ADAMTS12: variants seen among roughly 807,000 people sequenced by gnomAD.
ADAMTS12 encodes A disintegrin and metalloproteinase with thrombospondin motifs 12.
Under a neutral mutation model 167.8 loss-of-function variants are expected in ADAMTS12, and 118 were observed. The observed-to-expected ratio is 0.70, with a 90% confidence interval of 0.61 to 0.82. The LOEUF is 0.82. Ranked by LOEUF, ADAMTS12 falls within the 40% of genes least tolerant of loss-of-function variation. ADAMTS12 has a pLI of 0.00. For synonymous variants in ADAMTS12, 704 were observed against 716.9 expected, an observed-to-expected ratio of 0.98 and a Z score of 0.29; for missense variants, 1,916 against 1,998.8, an observed-to-expected ratio of 0.96 and a Z score of 0.79.
At chr5:33,763,628 G>C (rs1227738413) in intron 2 of ADAMTS12, among the ~76,000 whole-genome samples, 1 of 152,226 alleles carries the variant, frequency 6.6e-6, no homozygotes, top group Non-Finnish European at 1.5e-5. Context: ...AAGTCCAGGA[G>C]GCCAAAGGTC....
At chr5:33,873,622 G>A (rs888566554) in intron 2 of ADAMTS12, among the ~76,000 whole-genome samples, 6 of 152,150 alleles carry the variant, frequency 3.9e-5, no homozygotes, top group African/African-American at 9.7e-5. Flanking sequence ...AGAATGCAAG[G>A]AGAAGTGGAG....
chr5:33,841,325 G>A (rs1011682044), intron 2 of ADAMTS12, among the ~76,000 whole-genome samples: 3 of 152,200 alleles, frequency 2.0e-5, no homozygotes, highest in Non-Finnish European at 1.5e-5. Context: ...CTAAGGCAAA[G>A]TCTTCTCACT....
intron 3 of ADAMTS12, among the ~76,000 whole-genome samples, chr5:33,695,875 ATG>A (rs907409140): frequency 2.0e-5 from 3 of 152,208 alleles, no homozygotes; most frequent in Non-Finnish European, 2.9e-5. Flanking sequence ...TGTTATGTAT[ATG>A]TTACCAAAAA....
At chr5:33,673,613 G>A (rs1741798067) in intron 5 of ADAMTS12, among the ~76,000 whole-genome samples, 1 of 151,980 alleles carries the variant, frequency 6.6e-6, no homozygotes, top group Admixed American at 6.6e-5. Context: ...ACAATATCCA[G>A]GCCCTCTTCA....
intron 6 of ADAMTS12, 23 bp from the exon 7 acceptor site, chr5:33,658,356 C>T (rs1445679916): frequency 4.4e-6 from 7 of 1,608,720 alleles, no homozygotes; most frequent in Non-Finnish European, 5.9e-6. Context: ...AATACAGAAG[C>T]TAAGGCGCCC....
At chr5:33,879,049 G>A (rs1750330476) in intron 2 of ADAMTS12, among the ~76,000 whole-genome samples, 1 of 152,164 alleles carries the variant, frequency 6.6e-6, no homozygotes, top group Non-Finnish European at 1.5e-5. Flanking sequence ...ACTGCTAAGG[G>A]ATATAGGTTT....
intron 2 of ADAMTS12, among the ~76,000 whole-genome samples, chr5:33,811,901 G>A (rs1747475676): frequency 6.6e-6 from 1 of 152,312 alleles, no homozygotes; most frequent in African/African-American, 2.4e-5. Flanking sequence ...TGAAGGCAGA[G>A]CCAGCCAGAT....
intron 2 of ADAMTS12, among the ~76,000 whole-genome samples, chr5:33,806,837 C>T (rs926708175): frequency 2.0e-5 from 3 of 152,212 alleles, no homozygotes; most frequent in Admixed American, 6.5e-5. Context: ...CTCCTGACGA[C>T]GGCTGTCATC....
rs56237226 is a variant in ADAMTS12 at position 33,588,579 on chromosome 5, C to T, written c.2865+20G>A. ...TGAAGCTTGAATAATGCCAGTTTCCCCGCCGAGCCCTGAGCTCACCTCACT... is the reference window on the plus strand; with the variant it reads ...TGAAGCTTGAATAATGCCAGTTTCCTCGCCGAGCCCTGAGCTCACCTCACT... On this transcript the variant is annotated intron_variant, in intron 18 of 23. Transcript: ENST00000504830. 0.085 allele frequency: 136,737 copies of T among 1,611,866 alleles called. 6,237 individuals are homozygous for T. The highest frequency in any genetic ancestry group is 0.11 in the Middle Eastern group (651 of 6,058).
At chr5:33,885,790 G>A (rs1226192365) in intron 1 of ADAMTS12, among the ~76,000 whole-genome samples, 4 of 152,318 alleles carry the variant, frequency 2.6e-5, no homozygotes, top group East Asian at 3.9e-4. Context: ...AGTAGAGCTC[G>A]AGGTCTTCTC....
intron 21 of ADAMTS12, among the ~76,000 whole-genome samples, chr5:33,548,479 CA>C (rs1478300297): frequency 1.3e-5 from 2 of 152,150 alleles, no homozygotes; most frequent in Non-Finnish European, 2.9e-5. Flanking sequence ...CTCCTGGACA[CA>C]CTCAAAATAT....
chr5:33,716,444 C>A (rs190196471), intron 3 of ADAMTS12, among the ~76,000 whole-genome samples: 1 of 152,204 alleles, frequency 6.6e-6, no homozygotes, highest in African/African-American at 2.4e-5. Flanking sequence ...TGTAGAAAAT[C>A]AACCAATTGT....
intron 18 of ADAMTS12, among the ~76,000 whole-genome samples, chr5:33,581,834 A>G (rs1747080609): frequency 6.6e-6 from 1 of 152,188 alleles, no homozygotes; most frequent in African/African-American, 2.4e-5. Context: ...TGGTATCCAC[A>G]TCAAAAGGGG....
intron 3 of ADAMTS12, among the ~76,000 whole-genome samples, chr5:33,728,880 C>T (rs1371499812): frequency 6.6e-6 from 1 of 152,172 alleles, no homozygotes; most frequent in Admixed American, 6.5e-5. Context: ...TACAAAGTAG[C>T]ATGTATCATA....
chr5:33,801,091 T>G (rs1026514459), intron 2 of ADAMTS12, among the ~76,000 whole-genome samples: 1 of 152,300 alleles, frequency 6.6e-6, no homozygotes, highest in African/African-American at 2.4e-5. Context: ...CATGAACCAC[T>G]AGAAGCTGGA....
intron 2 of ADAMTS12, among the ~76,000 whole-genome samples, chr5:33,784,527 A>G (rs77909656): frequency 2.0e-5 from 3 of 152,040 alleles, no homozygotes; most frequent in Non-Finnish European, 4.4e-5. Context: ...TATAAAAAAA[A>G]TAGTTGTATT....
intron 3 of ADAMTS12, among the ~76,000 whole-genome samples, chr5:33,730,218 T>A (rs1744136318): frequency 6.6e-6 from 1 of 152,094 alleles, no homozygotes; most frequent in African/African-American, 2.4e-5. Context: ...AAAAACAGCA[T>A]ATGTGTGGCA....
At position 33,554,919 on chromosome 5, in the gene ADAMTS12, G is replaced by A. The variant is rs546364598; in HGVS notation, c.4126-5536C>T. Reference sequence around the variant, plus strand: ...AAATAACTTAGATGATAAAGTTACCGCTAAAATAAAAAGGCAACGTTGCCT... The same window carrying A: ...AAATAACTTAGATGATAAAGTTACCACTAAAATAAAAAGGCAACGTTGCCT... On this transcript the variant is annotated intron_variant, in intron 20 of 23. Coordinates refer to ENST00000504830, the MANE Select transcript of ADAMTS12 (RefSeq NM_030955.4). 6.6e-4 allele frequency among the ~76,000 whole-genome samples: 100 copies of A among 152,174 alleles called. 1 individual carries two copies. The highest frequency in any genetic ancestry group is 2.3e-3 in the African/African-American group (94 of 41,530).
chr5:33,616,200 T>G, intron 14 of ADAMTS12, 128 bp from the exon 15 acceptor site: 1 of 1,293,306 alleles, frequency 7.7e-7, no homozygotes, highest in Non-Finnish European at 1.0e-6. Flanking sequence ...GGGTGGCCAC[T>G]GGAATTGGCA....
Sources: gnomAD v4.1 joint callset for allele counts (sites outside exome capture counted in the v4.1 genomes callset) on GRCh38, gnomAD v4.1.1 for gene constraint, MANE v1.5 for transcripts, NCBI Gene and HGNC (gene_info 2026-07-23, HGNC 2026-07-21) for gene names.